NOS1: variants seen among roughly 807,000 people sequenced by gnomAD.
The protein encoded by NOS1 is NOS type I.
A neutral mutation model predicts 164.5 loss-of-function variants in NOS1; 51 were observed. The ratio of observed to expected loss-of-function variants is 0.31; its 90% CI spans 0.25 to 0.39. The LOEUF is 0.39. NOS1 is among the 10% of genes least tolerant of loss of function. The pLI, the probability that NOS1 is intolerant of heterozygous loss-of-function variation, is 1.00. For missense variants in NOS1, 1,362 were observed against 1,885.6 expected (o/e 0.72, Z 5.14); for synonymous variants, 719 against 745.8 (o/e 0.96, Z 0.59).
At chr12:117,278,923 T>C (rs929124893) in intron 8 of NOS1, among the ~76,000 whole-genome samples, 3 of 149,944 alleles carry the variant, frequency 2.0e-5, no homozygotes, top group Non-Finnish European at 3.0e-5. Context: ...ATACATTAAA[T>C]ATCAACATTA....
At chr12:117,222,958 G>A (rs923414994) in intron 25 of NOS1, 95 bp from the exon 26 acceptor site, 2 of 1,399,688 alleles carry the variant, frequency 1.4e-6, no homozygotes, top group Non-Finnish European at 2.0e-6. Flanking sequence ...ACCTTAGCGT[G>A]TGCCATGCGG....
At chr12:117,301,166 C>T (rs1196155332) in intron 3 of NOS1, among the ~76,000 whole-genome samples, 3 of 152,180 alleles carry the variant, frequency 2.0e-5, no homozygotes, top group African/African-American at 7.2e-5. Flanking sequence ...CTCACTCTGT[C>T]ACCCAGGCTG....
At chr12:117,277,048 TG>T (rs1360436948) in intron 9 of NOS1, among the ~76,000 whole-genome samples, 1 of 152,134 alleles carries the variant, frequency 6.6e-6, no homozygotes, top group Non-Finnish European at 1.5e-5. Context: ...TTTAGTTTTT[TG>T]AGGATCTCCA....
chr12:117,247,483 G>A lies in NOS1; in HGVS notation c.2688C>T (p.His896=). 5 of 1,612,720 alleles carry A rather than the reference G, an allele frequency of 3.1e-6. No individual in the cohort carries two copies. Among genetic ancestry groups the A allele is most frequent in the Non-Finnish European group, 4.2e-6 (5 of 1,179,530 alleles). Residue 896 remains histidine, a synonymous_variant, in exon 18 of 29, where the codon CAC becomes CAT. Transcript: ENST00000317775. ...VFGLGSRAYP[H]FCAFGHAVDT... is the part of the protein sequence containing the mutation. ...CCACAGCGTGTCCGAAGGCGCAAAA[G>A]TGAGGGTATGCTCGTGAGCCGAGGC...
At chr12:117,221,646 T>G (rs781517595) in intron 26 of NOS1, among the ~76,000 whole-genome samples, 26 of 151,254 alleles carry the variant, frequency 1.7e-4, no homozygotes, top group Non-Finnish European at 3.8e-4. Flanking sequence ...AATTATTTAT[T>G]GTTTAGAGAC....
chr12:117,222,347 C>G (rs1956720690), intron 26 of NOS1, among the ~76,000 whole-genome samples: 2 of 152,168 alleles, frequency 1.3e-5, no homozygotes, highest in Admixed American at 1.3e-4. Flanking sequence ...TCTCTGCCTC[C>G]TGGGTTCAAG....
At chr12:117,225,165 C>A (rs1868546379) in intron 24 of NOS1, 28 bp from the exon 25 acceptor site, 7 of 1,591,460 alleles carry the variant, frequency 4.4e-6, no homozygotes, top group Non-Finnish European at 5.1e-6. Context: ...GGTCAGAAGT[C>A]TTGCAGAGCT....
intron 20 of NOS1, among the ~76,000 whole-genome samples, chr12:117,239,317 T>C (rs1869977736): frequency 6.6e-6 from 1 of 152,232 alleles, no homozygotes; most frequent in Non-Finnish European, 1.5e-5. Context: ...CTCTCCTGCC[T>C]TTCTAAAGCC....
chr12:117,264,075 C>A (rs1353440813), intron 12 of NOS1, 101 bp from the exon 13 acceptor site: 1 of 883,010 alleles, frequency 1.1e-6, no homozygotes, highest in Admixed American at 1.9e-5. Context: ...ACTGCCTGAC[C>A]CTCGGCCTCT....
rs368015131 is a variant in NOS1 at position 117,290,437 on chromosome 12, G to A, written c.853-11C>T. On this transcript the variant is annotated splice_polypyrimidine_tract_variant and intron_variant, in intron 3 of 28. Transcript: ENST00000317775. Reference sequence around the variant, plus strand: ...TCCTGAGGTGGGGGGCTGCAGGAGAGAATGAAGGTGGAAGATGAGGCAGGG... The same window carrying A: ...TCCTGAGGTGGGGGGCTGCAGGAGAAAATGAAGGTGGAAGATGAGGCAGGG... 1 of 1,607,118 alleles carries A rather than the reference G, an allele frequency of 6.2e-7. No homozygotes were observed. The highest frequency in any genetic ancestry group is 1.7e-5 in the Admixed American group (1 of 59,682).
intron 20 of NOS1, among the ~76,000 whole-genome samples, chr12:117,239,723 T>TA (rs1400858524): frequency 2.6e-5 from 4 of 151,850 alleles, no homozygotes; most frequent in African/African-American, 7.3e-5. Context: ...TTTTTTTTTT[T>TA]ATAAGCCTTA....
intron 1 of NOS1, among the ~76,000 whole-genome samples, chr12:117,342,102 A>T (rs947547605): frequency 2.0e-5 from 3 of 151,560 alleles, no homozygotes; most frequent in African/African-American, 7.3e-5. Context: ...TCAACATTAT[A>T]CTCTTTTACT....
intron 13 of NOS1, among the ~76,000 whole-genome samples, chr12:117,262,166 G>T (rs1167631773): frequency 1.3e-5 from 2 of 152,160 alleles, no homozygotes; most frequent in South Asian, 4.1e-4. Context: ...TACCTGGAGG[G>T]TTCCCTTTGA....
Position 117,340,035 on chromosome 12 carries a change from C to T in NOS1, c.-420-8546G>A, listed in dbSNP as rs1266955510. Among the ~76,000 whole-genome samples, 9 of 152,146 alleles carry T rather than the reference C, an allele frequency of 5.9e-5. No homozygotes were observed. In the East Asian group the frequency reaches 1.5e-3, roughly 26 times the overall value. On this transcript the variant is annotated intron_variant, in intron 1 of 28. Transcript: ENST00000317775. Reference sequence around the variant, plus strand: ...TTTATTTATTTTTGAGACAGGGTCTCGCTTTGTTGCCCAGGCTGGAGGGCA... The same window carrying T: ...TTTATTTATTTTTGAGACAGGGTCTTGCTTTGTTGCCCAGGCTGGAGGGCA...
At chr12:117,245,696 C>G (rs1338865793) in intron 18 of NOS1, 1 of 152,194 alleles carries the variant, frequency 6.6e-6, no homozygotes, top group Admixed American at 6.6e-5. Context: ...GGGGGGCAGA[C>G]TGACTGAGCT....
chr12:117,298,880 T>C (rs1187710839), intron 3 of NOS1, among the ~76,000 whole-genome samples: 1 of 152,242 alleles, frequency 6.6e-6, no homozygotes, highest in Non-Finnish European at 1.5e-5. Context: ...AGTAAACTAC[T>C]CTAAGAGCTA....
chr12:117,308,740 G>C (rs2136052201), intron 3 of NOS1, among the ~76,000 whole-genome samples: 1 of 152,014 alleles, frequency 6.6e-6, no homozygotes, highest in East Asian at 1.9e-4. Context: ...GGGATTACAG[G>C]CACCCGCCAC....
intron 28 of NOS1, among the ~76,000 whole-genome samples, chr12:117,216,120 C>T (rs892766745): frequency 8.6e-5 from 13 of 151,572 alleles, no homozygotes; most frequent in African/African-American, 3.2e-4. Context: ...TCAAGTGATC[C>T]ACCCATCTTT....
Position 117,330,829 on chromosome 12 carries a change from G to C in NOS1, c.241C>G (p.Leu81Val). 1 of 1,614,084 alleles carries C rather than the reference G, an allele frequency of 6.2e-7. No individual in the cohort carries two copies. Among genetic ancestry groups the C allele is most frequent in the Non-Finnish European group, 8.5e-7 (1 of 1,180,014 alleles). Residue 81 changes from leucine (L) to valine (V), a missense_variant, in exon 2 of 29, where the codon CTG becomes GTG. By Grantham distance (32) the Leu-to-Val change is conservative. Around this residue, in one of 4 missense-constraint regions of NOS1, gnomAD observed 362 missense variants for 402.0 expected, o/e 0.90. Coordinates refer to ENST00000317775, the MANE Select transcript of NOS1 (RefSeq NM_000620.5). The surrounding 1 kb of genome is among the most constrained non-coding windows in gnomAD (Gnocchi z 4.6). ...PLVDLSYDSA[L>V]EVLRGIASET... Reference sequence around the variant, plus strand: ...GAGGCAATGCCTCTGAGTACCTCCAGGGCGCTGTCATAGCTCAGGTCCACC... The same window carrying C: ...GAGGCAATGCCTCTGAGTACCTCCACGGCGCTGTCATAGCTCAGGTCCACC...
Sources: allele counts gnomAD v4.1 joint callset (sites outside exome capture counted in the v4.1 genomes callset), GRCh38; gene constraint gnomAD v4.1.1; regional missense constraint gnomAD v4.1.1; non-coding constraint Gnocchi (gnomAD v3.1); transcripts MANE v1.5; gene names NCBI Gene and HGNC (gene_info 2026-07-23, HGNC 2026-07-21).